Variants in PCGF3 observed in about 807,000 individuals in gnomAD.
PCGF3 encodes polycomb group RING finger protein 3.
Under a neutral mutation model 33.1 loss-of-function variants are expected in PCGF3, and 7 were observed. The observed-to-expected ratio is 0.21, with a 90% CI of 0.12 to 0.40. The LOEUF (loss-of-function observed/expected upper bound fraction) is 0.40, where lower values mean the gene tolerates loss of function less well. Among genes scored for constraint, PCGF3 ranks in the 10% least tolerant of loss-of-function variants. PCGF3 has a pLI of 1.00. For synonymous variants in PCGF3, 153 were observed against 121.3 expected, an observed-to-expected ratio of 1.26 and a Z score of -1.72; for missense variants, 211 against 313.3, an observed-to-expected ratio of 0.67 and a Z score of 2.46.
chr4:753,660 A>G (rs1227779745), intron 8 of PCGF3, among the ~76,000 whole-genome samples: 1 of 149,444 alleles, frequency 6.7e-6, no homozygotes, highest in Non-Finnish European at 1.5e-5. Context: ...AAAAAAAAGA[A>G]GACTGGACCA....
At chr4:719,695 G>A (rs558117404) in intron 1 of PCGF3, among the ~76,000 whole-genome samples, 1 of 152,344 alleles carries the variant, frequency 6.6e-6, no homozygotes, top group East Asian at 1.9e-4. Flanking sequence ...GGACGGTGCA[G>A]GGCGGTGCAG....
intron 5 of PCGF3, among the ~76,000 whole-genome samples, chr4:737,217 G>T (rs1743874162): frequency 6.6e-6 from 1 of 152,200 alleles, no homozygotes. Context: ...CAGAAGCACG[G>T]GTTCCCAGAA....
At chr4:766,255 T>TA in exon 11 of PCGF3, 2 of 590,728 alleles carry the variant, frequency 3.4e-6, no homozygotes, top group South Asian at 4.0e-5. Flanking sequence ...GCACCACGTT[T>TA]ACAGAGGATG....
chr4:723,941 G>C (rs1316504248), intron 1 of PCGF3: 1 of 152,520 alleles, frequency 6.6e-6, no homozygotes, highest in Non-Finnish European at 1.5e-5. Flanking sequence ...GAGGCGTGTG[G>C]GGCGTCCAGG....
intron 10 of PCGF3, among the ~76,000 whole-genome samples, chr4:765,573 C>T (rs1232627884): frequency 4.6e-5 from 7 of 152,238 alleles, no homozygotes; most frequent in Non-Finnish European, 1.0e-4. Context: ...TGGGAAAGTG[C>T]TGAGGCCATG....
chr4:729,370 G>A (rs569584916), intron 1 of PCGF3, among the ~76,000 whole-genome samples: 2 of 151,680 alleles, frequency 1.3e-5, no homozygotes, highest in Non-Finnish European at 2.9e-5. Flanking sequence ...AGCCAAGATC[G>A]TGCCACTGCA....
At chr4:765,412 G>A (rs1053007025) in intron 10 of PCGF3, among the ~76,000 whole-genome samples, 24 of 143,386 alleles carry the variant, frequency 1.7e-4, no homozygotes, top group Admixed American at 4.8e-4. Context: ...CAACCTAGGC[G>A]ACAGAGGGAG....
chr4:769,887 A>G (rs1034782320), exon 11 of PCGF3: 2 of 152,586 alleles, frequency 1.3e-5, no homozygotes, highest in African/African-American at 4.8e-5. Context: ...ACGAAGATAC[A>G]TGTGTTTGAC....
At chr4:756,067 C>T (rs942884673) in intron 8 of PCGF3, among the ~76,000 whole-genome samples, 2 of 151,742 alleles carry the variant, frequency 1.3e-5, no homozygotes, top group Non-Finnish European at 2.9e-5. Flanking sequence ...GCACATGCCA[C>T]CATACCCAGC....
At position 716,554 on chromosome 4, in the gene PCGF3, G is replaced by A. The variant is rs543167321; in HGVS notation, c.-190+10584G>A. 1.2e-3 allele frequency among the ~76,000 whole-genome samples: 154 copies of A among 125,664 alleles called. 1 individual carries two copies. The highest frequency in any genetic ancestry group is 2.1e-3 in the Non-Finnish European group (121 of 56,576). 82.4% of individuals were successfully genotyped at this position (125,664 alleles called of 152,430 possible). On this transcript the variant is annotated intron_variant, in intron 1 of 10. Coordinates refer to ENST00000362003, the Ensembl canonical transcript of PCGF3. Reference sequence around the variant, plus strand: ...GGTGCTGGGACCCTGTGGACACTGCGAGTGTGAGAACTGGGCGTCGGTGCT... The same window carrying A: ...GGTGCTGGGACCCTGTGGACACTGCAAGTGTGAGAACTGGGCGTCGGTGCT...
exon 11 of PCGF3, chr4:766,571 GA>G (rs1449413956): frequency 6.6e-6 from 1 of 152,302 alleles, no homozygotes; most frequent in Non-Finnish European, 1.5e-5. Flanking sequence ...TGAAGATTTA[GA>G]AGTTATATAA....
At chr4:724,722 C>T (rs936929922) in intron 1 of PCGF3, among the ~76,000 whole-genome samples, 3 of 151,994 alleles carry the variant, frequency 2.0e-5, no homozygotes, top group Non-Finnish European at 4.4e-5. Flanking sequence ...GGTGTGAACC[C>T]GGGAGGCGGA....
At chr4:712,828 T>C (rs1389763008) in intron 1 of PCGF3, among the ~76,000 whole-genome samples, 1 of 152,234 alleles carries the variant, frequency 6.6e-6, no homozygotes, top group Non-Finnish European at 1.5e-5. Flanking sequence ...TTCATTGATA[T>C]TTGCTGGGCT....
rs1025112840 is a variant in PCGF3, at chr4:766,006, G to A, written c.682-26G>A. ...TCTCGCCTCCACCCCTGCTAAGCAG[G>A]CACTGTGCGTTCTTGTGTCTTCCAG... On this transcript the variant is annotated intron_variant, in intron 10 of 10. Coordinates refer to ENST00000362003, the Ensembl canonical transcript of PCGF3. The A allele has an allele frequency of 2.5e-6, 4 of 1,612,148 alleles. No individual in the cohort carries two copies. In the South Asian group the frequency reaches 3.3e-5, roughly 13 times the overall value.
At chr4:715,888 G>A (rs71604306) in intron 1 of PCGF3, among the ~76,000 whole-genome samples, 216 of 51,424 alleles carry the variant, frequency 4.2e-3, no homozygotes, top group South Asian at 9.2e-3. Context: ...GGGACCCTGT[G>A]GACACTGAGG....
Position 743,587 on chromosome 4 carries a change from G to C in PCGF3, c.373+3G>C, listed in dbSNP as rs376447530. 1 of 1,564,112 alleles carries C rather than the reference G, an allele frequency of 6.4e-7. No homozygotes were observed. Among genetic ancestry groups the C allele is most frequent in the Non-Finnish European group, 8.8e-7 (1 of 1,134,564 alleles). On this transcript the variant is annotated splice_donor_region_variant and intron_variant, in intron 7 of 10. Transcript: ENST00000362003. ...GCACTTAGATTCCCATCGGAATGGT[G>C]AGTGCCCTGCGTGCCCATCCAGAAG...
intron 1 of PCGF3, among the ~76,000 whole-genome samples, chr4:716,412 A>G (rs867405940): frequency 1.7e-4 from 23 of 133,274 alleles, no homozygotes; most frequent in South Asian, 2.5e-4. Flanking sequence ...GGGACCCTGT[A>G]GACACTGAGT....
chr4:748,797 G>A (rs193026428), intron 8 of PCGF3, among the ~76,000 whole-genome samples: 9 of 152,222 alleles, frequency 5.9e-5, no homozygotes, highest in Non-Finnish European at 1.0e-4. Context: ...TGTTGGTCTC[G>A]TCTGCGCGGA....
At chr4:754,279 CT>C (rs1744668387) in intron 8 of PCGF3, among the ~76,000 whole-genome samples, 1 of 152,224 alleles carries the variant, frequency 6.6e-6, no homozygotes, top group Admixed American at 6.5e-5. Context: ...TTTGTTTTCA[CT>C]CCTCCGAGTT....
Sources: gnomAD v4.1 joint callset for allele counts (sites outside exome capture counted in the v4.1 genomes callset) on GRCh38, gnomAD v4.1.1 for gene constraint, MANE v1.5 for transcripts, NCBI Gene and HGNC (gene_info 2026-07-23, HGNC 2026-07-21) for gene names.